CRMP1: variants seen among roughly 807,000 people sequenced by gnomAD.
CRMP1 encodes the protein collapsin response mediator protein 1, also known as dihydropyrimidinase-related protein 1.
A neutral mutation model predicts 68.3 loss-of-function variants in CRMP1; 19 were observed. The ratio of observed to expected loss-of-function variants is 0.28; its 90% CI spans 0.19 to 0.41. CRMP1 has a LOEUF of 0.41. CRMP1 is among the 10% of genes least tolerant of loss of function. The probability of loss-of-function intolerance (pLI) is 1.00; values close to 1 mark genes in which losing one functional copy is unlikely to be tolerated. For missense variants in CRMP1, 791 were observed against 967.4 expected, an observed-to-expected ratio of 0.82 and a Z score of 2.42; for synonymous variants, 439 against 399.6, an observed-to-expected ratio of 1.10 and a Z score of -1.18.
intron 1 of CRMP1, chr4:5,887,935 C>A: frequency 1.7e-6 from 1 of 600,710 alleles, no homozygotes. Context: ...TCCGCATCCT[C>A]CCTGTCCACG....
chr4:5,851,916 G>A (rs1486289959), intron 4 of CRMP1, among the ~76,000 whole-genome samples: 4 of 140,944 alleles, frequency 2.8e-5, no homozygotes, highest in African/African-American at 1.1e-4. Flanking sequence ...AGAAAGAGAA[G>A]GAGAAGAGGA....
intron 4 of CRMP1, among the ~76,000 whole-genome samples, chr4:5,852,172 T>C (rs973429319): frequency 6.8e-4 from 103 of 152,172 alleles, no homozygotes; most frequent in Non-Finnish European, 5.1e-4. Context: ...TTTAAAGAAT[T>C]GTGTTTGCAA....
In CRMP1 at chr4:5,883,296, CTCTT is replaced by C. The variant is rs1440298875; in HGVS notation, c.381+9289_381+9292del. On this transcript the variant is annotated intron_variant, in intron 1 of 13. Transcript: ENST00000324989. This position sits in a 1 kb window ranked among gnomAD's most constrained non-coding sequence, Gnocchi z 4.5. The stretch of plus-strand genomic sequence containing the variant: ...CCTCCCTTCCTGTCTTTCTATCTTT[CTCTT>C]TCTTTCTTCTTTTTTGTTTGAGAGA... Among the ~76,000 whole-genome samples the C allele has an allele frequency of 2.7e-5, 4 of 146,898 alleles. No homozygotes were observed. Among genetic ancestry groups the C allele is most frequent in the African/African-American group, 1.0e-4 (4 of 39,844 alleles).
intron 13 of CRMP1, chr4:5,824,644 C>T (rs1719250208): frequency 1.1e-6 from 1 of 941,934 alleles, no homozygotes; most frequent in African/African-American, 2.0e-5. Context: ...TTTCAAATGG[C>T]TATTGAATAT....
Position 5,843,630 on chromosome 4 carries a change from G to A in CRMP1, c.964-469C>T, listed in dbSNP as rs1181726491. On this transcript the variant is annotated intron_variant, in intron 6 of 13. Transcript: ENST00000324989. The surrounding 1 kb of genome is among the most constrained non-coding windows in gnomAD (Gnocchi z 4.1). ...AGAACAGCCGTCTCTGTGACTTTGG[G>A]CAGGTTGGTCAAGCTCTCTTGACCT... Among the ~76,000 whole-genome samples, 1 of 152,182 alleles carries A rather than the reference G, an allele frequency of 6.6e-6. No homozygotes were observed. The highest frequency in any genetic ancestry group is 2.4e-5 in the African/African-American group (1 of 41,450).
At position 5,843,238 on chromosome 4, in the gene CRMP1, T is replaced by A. The variant is rs1026996759; in HGVS notation, c.964-77A>T. 6.7e-7 allele frequency: 1 copy of A among 1,485,058 alleles called. No homozygotes were observed. The highest frequency in any genetic ancestry group is 9.4e-7 in the Non-Finnish European group (1 of 1,064,058). The allele number at this position is 1,485,058 out of a possible 1,614,324, so 92.0% of individuals were successfully genotyped here. ...GAAGTGACTCCTCCAACCCCCTGGT[T>A]AGACAGAGGGGGCAGCTGGGTCCCA... On this transcript the variant is annotated intron_variant, in intron 6 of 13. Coordinates refer to ENST00000324989, the MANE Select transcript of CRMP1 (RefSeq NM_001014809.3). This position sits in a 1 kb window ranked among gnomAD's most constrained non-coding sequence, Gnocchi z 4.1.
chr4:5,844,921 A>C (rs1712075067), intron 6 of CRMP1, among the ~76,000 whole-genome samples: 1 of 152,246 alleles, frequency 6.6e-6, no homozygotes, highest in Admixed American at 6.5e-5. Flanking sequence ...CAAGCACAGA[A>C]GCCTCACGCA....
In CRMP1 at chr4:5,856,261, G is replaced by A. The variant is rs144668952; in HGVS notation, c.702C>T (p.Phe234=). 3.0e-5 allele frequency: 49 copies of A among 1,613,624 alleles called. No homozygotes were observed. Among genetic ancestry groups the A allele is most frequent in the African/African-American group, 1.7e-4 (13 of 74,784 alleles). The stretch of plus-strand genomic sequence containing the variant: ...TGTCAGCTGCTTCGTGCCACTTCTC[G>A]AAAGAGGTCAGTAGGCTGGACCCAG... The part of the protein sequence containing the change: ...PEPGSSLLTS[F]EKWHEAADTK... Residue 234 remains phenylalanine, a synonymous_variant, in exon 4 of 14, where the codon TTC becomes TTT. Transcript: ENST00000324989.
chr4:5,889,851 A>G lies in CRMP1; in HGVS notation c.381+2738T>C. ...GAGGCCAGAGACACCTGGGCCTTAAAATAGAGGTGAGGTTTTAGCTTCACA... is the reference window on the plus strand; with the variant it reads ...GAGGCCAGAGACACCTGGGCCTTAAGATAGAGGTGAGGTTTTAGCTTCACA... On this transcript the variant is annotated intron_variant, in intron 1 of 13. Transcript: ENST00000324989. The surrounding 1 kb of genome is among the most constrained non-coding windows in gnomAD (Gnocchi z 4.5). 1 of 1,449,532 alleles carries G rather than the reference A, an allele frequency of 6.9e-7. No homozygotes were observed. Among genetic ancestry groups the G allele is most frequent in the Non-Finnish European group, 9.1e-7 (1 of 1,104,354 alleles). 89.8% of individuals were successfully genotyped at this position (1,449,532 alleles called of 1,614,324 possible).
At chr4:5,863,642 G>T (rs1713753217) in intron 2 of CRMP1, among the ~76,000 whole-genome samples, 1 of 152,064 alleles carries the variant, frequency 6.6e-6, no homozygotes, top group Non-Finnish European at 1.5e-5. Flanking sequence ...TCCCGGTGCA[G>T]AAGAAACTCT....
rs1413547909 is a variant in CRMP1, at chr4:5,842,449, AAAAG to A, written c.1032+640_1032+643del. ...ATCTCAAAAAAAAAAAAAAAAAAAGAAAAGAAAGAAAGAAAGTAAAAAGAAGGTG... is the reference window on the plus strand; with the variant it reads ...ATCTCAAAAAAAAAAAAAAAAAAAGAAAAGAAAGAAAGTAAAAAGAAGGTG... On this transcript the variant is annotated intron_variant, in intron 7 of 13. Transcript: ENST00000324989. This position sits in a 1 kb window ranked among gnomAD's most constrained non-coding sequence, Gnocchi z 4.5. 6.0e-5 allele frequency among the ~76,000 whole-genome samples: 9 copies of A among 150,130 alleles called. 1 individual carries two copies. The highest frequency in any genetic ancestry group is 2.7e-4 in the Admixed American group (4 of 15,088).
intron 1 of CRMP1, among the ~76,000 whole-genome samples, chr4:5,868,569 G>A (rs1272641173): frequency 4.6e-5 from 7 of 151,956 alleles, no homozygotes; most frequent in African/African-American, 1.5e-4. Flanking sequence ...CCAAAGTGCT[G>A]GGATTACAGG....
intron 8 of CRMP1, 134 bp from the exon 9 acceptor site, chr4:5,839,812 A>C (rs775050659): frequency 4.4e-5 from 47 of 1,071,594 alleles, no homozygotes; most frequent in Non-Finnish European, 5.6e-5. Context: ...CCGTTCTTGC[A>C]GGCATCACCG....
chr4:5,892,500 G>A lies in CRMP1; in HGVS notation c.381+89C>T, dbSNP rs1715997586. ...CCTGGCGGCCGCTGCCCCAACACCG[G>A]GGCCCGGGCATGGCCCTCGGGCGCC... On this transcript the variant is annotated intron_variant, in intron 1 of 13. Transcript: ENST00000324989. This position sits in a 1 kb window ranked among gnomAD's most constrained non-coding sequence, Gnocchi z 8.6. 2.7e-6 allele frequency: 3 copies of A among 1,125,912 alleles called. No homozygotes were observed. The highest frequency in any genetic ancestry group is 3.3e-6 in the Non-Finnish European group (3 of 916,254). 69.7% of individuals were successfully genotyped at this position (1,125,912 alleles called of 1,614,324 possible).
chr4:5,827,616 A>ACG (rs1719847674), intron 12 of CRMP1, among the ~76,000 whole-genome samples: 1 of 151,834 alleles, frequency 6.6e-6, no homozygotes, highest in Admixed American at 6.6e-5. Context: ...GCATACACAC[A>ACG]CGCGCACACA....
rs991232407 is a variant in CRMP1 at position 5,850,183 on chromosome 4, G to A, written c.883-711C>T. 1.3e-5 allele frequency among the ~76,000 whole-genome samples: 2 copies of A among 152,148 alleles called. No individual in the cohort carries two copies. The highest frequency in any genetic ancestry group is 2.4e-5 in the African/African-American group (1 of 41,442). On this transcript the variant is annotated intron_variant, in intron 5 of 13. Coordinates refer to ENST00000324989, the MANE Select transcript of CRMP1 (RefSeq NM_001014809.3). The surrounding 1 kb of genome is among the most constrained non-coding windows in gnomAD (Gnocchi z 4.4). ...TCAACTTTGTTCTCCATGCATGCAAGACAACATCCCCTCGGATGTCTGCTT... is the reference window on the plus strand; with the variant it reads ...TCAACTTTGTTCTCCATGCATGCAAAACAACATCCCCTCGGATGTCTGCTT...
rs184717852 is a variant in CRMP1 at position 5,854,698 on chromosome 4, G to A, written c.820+1445C>T. 5.9e-5 allele frequency among the ~76,000 whole-genome samples: 9 copies of A among 152,304 alleles called. No homozygotes were observed. The highest frequency in any genetic ancestry group is 4.6e-4 in the Admixed American group (7 of 15,294). On this transcript the variant is annotated intron_variant, in intron 4 of 13. Transcript: ENST00000324989. The surrounding 1 kb of genome is among the most constrained non-coding windows in gnomAD (Gnocchi z 4.0). ...CTGCCATGAAAACCACAATGGTGGT[G>A]TCTTTCACCCATCGAATCGGCAAGG...
In CRMP1 at chr4:5,821,955, T is replaced by C; in HGVS notation, c.1970-104A>G. On this transcript the variant is annotated intron_variant, in intron 13 of 13. Transcript: ENST00000324989. The surrounding 1 kb of genome is among the most constrained non-coding windows in gnomAD (Gnocchi z 4.4). Reference sequence around the variant, plus strand: ...GCCATGCACTCCACTGGACCCACCTTCATTCAGGGCTCAGTCCAGGACCAG... The same window carrying C: ...GCCATGCACTCCACTGGACCCACCTCCATTCAGGGCTCAGTCCAGGACCAG... 1 of 1,047,218 alleles carries C rather than the reference T, an allele frequency of 9.5e-7. No individual in the cohort carries two copies. Among genetic ancestry groups the C allele is most frequent in the South Asian group, 1.6e-5 (1 of 63,964 alleles). The allele number at this position is 1,047,218 out of a possible 1,614,324, so 64.9% of individuals were successfully genotyped here.
In CRMP1 at chr4:5,833,292, G is replaced by A. The variant is rs1013102701; in HGVS notation, c.1623+2623C>T. On this transcript the variant is annotated intron_variant, in intron 11 of 13. Coordinates refer to ENST00000324989, the MANE Select transcript of CRMP1 (RefSeq NM_001014809.3). Reference sequence around the variant, plus strand: ...CGCCATTCTCCTGCCTCAGCCTCCCGAGTAGCTGGGACTACAGGCGCCCGC... The same window carrying A: ...CGCCATTCTCCTGCCTCAGCCTCCCAAGTAGCTGGGACTACAGGCGCCCGC... Among the ~76,000 whole-genome samples, 19 of 127,436 alleles carry A rather than the reference G, an allele frequency of 1.5e-4. 3 individuals carry two copies. The highest frequency in any genetic ancestry group is 2.5e-4 in the Non-Finnish European group (15 of 60,330). The allele number at this position is 127,436 out of a possible 152,430, so 83.6% of individuals were successfully genotyped here.
Sources: gnomAD v4.1 joint callset for allele counts (sites outside exome capture counted in the v4.1 genomes callset) on GRCh38, gnomAD v4.1.1 for gene constraint, Gnocchi (gnomAD v3.1) non-coding constraint, MANE v1.5 for transcripts, NCBI Gene and HGNC (gene_info 2026-07-23, HGNC 2026-07-21) for gene names.